The following GOLM1 variants were observed in gnomAD, a reference collection of about 807,000 sequenced individuals.
The protein encoded by GOLM1 is golgi membrane protein 1, also known as epididymis luminal protein 46.
A neutral mutation model predicts 50.5 loss-of-function variants in GOLM1; 31 were observed. The observed-to-expected ratio is 0.61, with a 90% confidence interval of 0.46 to 0.83. GOLM1 has a LOEUF of 0.83. GOLM1 is among the 40% of genes least tolerant of loss of function. The pLI is 0.00. For missense variants in GOLM1, 491 were observed against 501.3 expected (o/e 0.98, Z 0.20); for synonymous variants, 178 against 192.8 (o/e 0.92, Z 0.64).
rs12351450 is a variant in GOLM1, at chr9:86,030,306, A to G, written c.1130-2413T>C. Among the ~76,000 whole-genome samples the G allele has an allele frequency of 8.2e-4, 125 of 152,174 alleles. 1 individual carries two copies. The highest frequency in any genetic ancestry group is 2.6e-3 in the African/African-American group (110 of 41,526). On this transcript the variant is annotated intron_variant, in intron 9 of 9. Coordinates refer to ENST00000388712, the MANE Select transcript of GOLM1 (RefSeq NM_016548.4). ...TCAAGAACATAAATGAGTGGAGTCA[A>G]TGACAACAGAGAGTTTGTATTTGCT...
chr9:86,043,893 G>A (rs894791704), intron 5 of GOLM1, among the ~76,000 whole-genome samples: 1 of 152,164 alleles, frequency 6.6e-6, no homozygotes, highest in Non-Finnish European at 1.5e-5. Flanking sequence ...TATCAAGTGA[G>A]GCCATTTATG....
chr9:86,041,969 T>G (rs1358473534), intron 5 of GOLM1, among the ~76,000 whole-genome samples: 2 of 151,936 alleles, frequency 1.3e-5, no homozygotes, highest in Non-Finnish European at 2.9e-5. Flanking sequence ...CACAAAAAAT[T>G]GGCTGGGCAT....
chr9:86,050,227 T>C (rs975548195), intron 4 of GOLM1, among the ~76,000 whole-genome samples: 1 of 152,198 alleles, frequency 6.6e-6, no homozygotes, highest in African/African-American at 2.4e-5. Context: ...AACTTGATTG[T>C]GTTGGATAAG....
chr9:86,081,948 A>G (rs1049329179), intron 1 of GOLM1, among the ~76,000 whole-genome samples: 4 of 151,082 alleles, frequency 2.6e-5, no homozygotes, highest in Admixed American at 2.6e-4. Context: ...AAGGAAAGGG[A>G]TAACATTTTC....
chr9:86,052,404 A>G (rs531411712), intron 4 of GOLM1, 133 bp downstream of exon 4: 22 of 748,774 alleles, frequency 2.9e-5, no homozygotes, highest in African/African-American at 2.4e-4. Context: ...AAAAGAATAA[A>G]GATTGCTCAA....
At chr9:86,060,422 C>G (rs572817802) in intron 3 of GOLM1, among the ~76,000 whole-genome samples, 10 of 152,102 alleles carry the variant, frequency 6.6e-5, no homozygotes, top group Non-Finnish European at 1.2e-4. Flanking sequence ...AACAACAAGA[C>G]AAGCAGTGAC....
chr9:86,093,882 T>C (rs1478997477), intron 1 of GOLM1, among the ~76,000 whole-genome samples: 1 of 152,246 alleles, frequency 6.6e-6, no homozygotes, highest in South Asian at 2.1e-4. Context: ...CAGATTAGCA[T>C]GTTTGACCAA....
In GOLM1 at chr9:86,034,563, G is replaced by A. The variant is rs115709854; in HGVS notation, c.1015+805C>T. Among the ~76,000 whole-genome samples, 254 of 152,290 alleles carry A rather than the reference G, an allele frequency of 1.7e-3. 1 individual carries two copies. Among genetic ancestry groups the A allele is most frequent in the African/African-American group, 5.8e-3 (239 of 41,564 alleles). ...AAGCATCTTCTTGCTGGGTGAGCAC[G>A]GAACACAAGGACAGAGCAGGGATAC... On this transcript the variant is annotated intron_variant, in intron 8 of 9. Transcript: ENST00000388712.
At chr9:86,044,723 G>T (rs571215357) in intron 5 of GOLM1, among the ~76,000 whole-genome samples, 2 of 151,980 alleles carry the variant, frequency 1.3e-5, no homozygotes, top group South Asian at 2.1e-4. Context: ...AGGCGAAGAC[G>T]AGCAGATCAC....
intron 3 of GOLM1, among the ~76,000 whole-genome samples, chr9:86,067,638 G>A (rs1035810631): frequency 1.3e-5 from 2 of 152,272 alleles, no homozygotes; most frequent in East Asian, 1.9e-4. Flanking sequence ...AGGGGCCGTC[G>A]GTTGAACAGT....
chr9:86,098,372 A>G lies in GOLM1; in HGVS notation c.-22+1039T>C, dbSNP rs180782160. ...CCCTCCAAAATTCAGAAATACTAAAACTGAGATTTGAGCCAACCTGATGGC... is the reference window on the plus strand; with the variant it reads ...CCCTCCAAAATTCAGAAATACTAAAGCTGAGATTTGAGCCAACCTGATGGC... On this transcript the variant is annotated intron_variant, in intron 1 of 9. Transcript: ENST00000388712. 1.2e-4 allele frequency among the ~76,000 whole-genome samples: 18 copies of G among 152,302 alleles called. No individual in the cohort carries two copies. The East Asian group carries it at 3.3e-3, about 28-fold the overall frequency.
chr9:86,035,719 C>T, intron 7 of GOLM1, 94 bp from the exon 8 acceptor site: 1 of 1,178,948 alleles, frequency 8.5e-7, no homozygotes, highest in East Asian at 2.3e-5. Context: ...ACTCAATTCC[C>T]AGAGCCTTCC....
chr9:86,037,050 A>G (rs1833169076), intron 6 of GOLM1, among the ~76,000 whole-genome samples: 1 of 152,262 alleles, frequency 6.6e-6, no homozygotes, highest in Non-Finnish European at 1.5e-5. Flanking sequence ...ACATTTGCAA[A>G]TATTTGGAAA....
At chr9:86,064,423 G>C (rs1834247230) in intron 3 of GOLM1, among the ~76,000 whole-genome samples, 1 of 152,008 alleles carries the variant, frequency 6.6e-6, no homozygotes, top group Non-Finnish European at 1.5e-5. Flanking sequence ...CCTCCTCTTG[G>C]CTGCCTCCCA....
intron 3 of GOLM1, among the ~76,000 whole-genome samples, chr9:86,074,410 G>A (rs1010750277): frequency 6.6e-6 from 1 of 152,134 alleles, no homozygotes; most frequent in Non-Finnish European, 1.5e-5. Flanking sequence ...GCAGACAAAG[G>A]TAAACAAGCT....
chr9:86,099,265 G>T (rs1835454246), intron 1 of GOLM1, 146 bp downstream of exon 1: 1 of 152,316 alleles, frequency 6.6e-6, no homozygotes, highest in Non-Finnish European at 1.5e-5. Flanking sequence ...CGCAGCCAGC[G>T]AAGGTTGCAG....
rs1832811049 is a variant in GOLM1 at position 86,027,157 on chromosome 9, T to C, written c.*660A>G. 25 of 985,438 alleles carry C rather than the reference T, an allele frequency of 2.5e-5. 1 individual carries two copies. The highest frequency in any genetic ancestry group is 3.0e-5 in the Non-Finnish European group (25 of 829,914). The allele number at this position is 985,438 out of a possible 1,614,324, so 61.0% of individuals were successfully genotyped here. On this transcript the variant is annotated 3_prime_UTR_variant, in exon 10 of 10. Transcript: ENST00000388712. ...ACAAATGTTCAAATTCTAAGCCACT[T>C]AATAGCGTTTTGTACATTAAAAATG... is the stretch of plus-strand genomic sequence containing the variant.
At chr9:86,095,945 A>G (rs1221898447) in intron 1 of GOLM1, among the ~76,000 whole-genome samples, 3 of 152,220 alleles carry the variant, frequency 2.0e-5, no homozygotes, top group Non-Finnish European at 2.9e-5. Context: ...GTCAGGCCAA[A>G]AGGAATTTTA....
At position 86,026,846 on chromosome 9, in the gene GOLM1, C is replaced by T; in HGVS notation, c.*971G>A. 1 of 978,682 alleles carries T rather than the reference C, an allele frequency of 1.0e-6. No homozygotes were observed. The allele number at this position is 978,682 out of a possible 1,614,324, so 60.6% of individuals were successfully genotyped here. On this transcript the variant is annotated 3_prime_UTR_variant, in exon 10 of 10. Coordinates refer to ENST00000388712, the MANE Select transcript of GOLM1 (RefSeq NM_016548.4). ...ATGTGTACACTATGATAAAAACAAC[C>T]ATTGTATTCCTGTTTTTCTAAACAG...
Sources: allele counts gnomAD v4.1 joint callset (sites outside exome capture counted in the v4.1 genomes callset), GRCh38; gene constraint gnomAD v4.1.1; transcripts MANE v1.5; gene names NCBI Gene and HGNC (gene_info 2026-07-23, HGNC 2026-07-21).